CC2D2B: variants seen among roughly 807,000 people sequenced by gnomAD.
CC2D2B encodes the protein protein CC2D2B.
Under a neutral mutation model 161.2 loss-of-function variants are expected in CC2D2B, and 128 were observed. That is an observed-to-expected ratio of 0.79 (90% CI 0.69 to 0.92). CC2D2B has a LOEUF of 0.92. Among genes scored for constraint, CC2D2B ranks in the 40% least tolerant of loss-of-function variants. CC2D2B has a pLI of 0.00. For missense variants in CC2D2B, 1,173 were observed against 1,375.1 expected (o/e 0.85, Z 2.32); for synonymous variants, 391 against 449.8 (o/e 0.87, Z 1.65).
chr10:95,941,081 C>T (rs1321553541), intron 9 of CC2D2B, among the ~76,000 whole-genome samples: 1 of 152,080 alleles, frequency 6.6e-6, no homozygotes, highest in African/African-American at 2.4e-5. Context: ...GCCAAGACTA[C>T]ACAATGGGGA....
chr10:95,970,144 C>G (rs1171356771), intron 15 of CC2D2B, among the ~76,000 whole-genome samples: 2 of 151,828 alleles, frequency 1.3e-5, no homozygotes, highest in African/African-American at 4.8e-5. Flanking sequence ...AACCAATTCT[C>G]CTTCCTCAGC....
Position 95,996,136 on chromosome 10 carries a change from G to C in CC2D2B, c.2740-7G>C. 3.0e-6 allele frequency: 4 copies of C among 1,348,020 alleles called. No homozygotes were observed. The highest frequency in any genetic ancestry group is 3.0e-6 in the Non-Finnish European group (3 of 994,152). 83.5% of individuals were successfully genotyped at this position (1,348,020 alleles called of 1,614,324 possible). A position where few individuals can be genotyped will look rare whatever the true frequency, so the allele number is the denominator to read the frequency against. On this transcript the variant is annotated splice_region_variant and splice_polypyrimidine_tract_variant and intron_variant, in intron 23 of 34. Transcript: ENST00000646931. Reference sequence around the variant, plus strand: ...AAAATCTAGTCAATGTTTATTATGTGTTTCAGGATACTGTACATCCATTCG... The same window carrying C: ...AAAATCTAGTCAATGTTTATTATGTCTTTCAGGATACTGTACATCCATTCG...
intron 19 of CC2D2B, among the ~76,000 whole-genome samples, chr10:95,986,881 G>A (rs1352569665): frequency 6.6e-6 from 1 of 152,108 alleles, no homozygotes; most frequent in East Asian, 1.9e-4. Flanking sequence ...ACAGGCATGA[G>A]CCACAGTGCC....
intron 2 of CC2D2B, among the ~76,000 whole-genome samples, chr10:95,912,815 G>A (rs2098508818): frequency 6.6e-6 from 1 of 151,882 alleles, no homozygotes; most frequent in Non-Finnish European, 1.5e-5. Flanking sequence ...ATTTCTTTTT[G>A]GAAATTTTTA....
At chr10:96,016,917 T>C (rs1387042143) in intron 30 of CC2D2B, among the ~76,000 whole-genome samples, 1 of 152,014 alleles carries the variant, frequency 6.6e-6, no homozygotes, top group Non-Finnish European at 1.5e-5. Context: ...TGGGGTTTCA[T>C]CATGTTGGCC....
At chr10:95,991,516 A>T (rs574370032) in intron 21 of CC2D2B, 55 bp downstream of exon 21, 1 of 493,452 alleles carries the variant, frequency 2.0e-6, no homozygotes, top group Admixed American at 4.6e-5. Context: ...TAATATCTTT[A>T]AAATCCTCTA....
chr10:96,029,298 A>C (rs1476620895), intron 34 of CC2D2B, among the ~76,000 whole-genome samples: 4 of 128,092 alleles, frequency 3.1e-5, no homozygotes, highest in Admixed American at 8.1e-5. Flanking sequence ...ATATATATAT[A>C]TATATATGTA....
At chr10:96,012,419 T>C in intron 27 of CC2D2B, 52 bp downstream of exon 27, 1 of 758,806 alleles carries the variant, frequency 1.3e-6, no homozygotes, top group Non-Finnish European at 2.2e-6. Flanking sequence ...AGGTATGAAC[T>C]ATTTTAAAAA....
At position 95,963,591 on chromosome 10, in the gene CC2D2B, C is replaced by A. The variant is rs139443841; in HGVS notation, c.1250+1622C>A. Among the ~76,000 whole-genome samples, 58 of 152,176 alleles carry A rather than the reference C, an allele frequency of 3.8e-4. No homozygotes were observed. The East Asian group carries it at 0.011, about 28-fold the overall frequency. ...AGGCAGAGAATAAGATGAGGAGAGACCCCAAGCACTGAGTCTTGAGAAATT... is the reference window on the plus strand; with the variant it reads ...AGGCAGAGAATAAGATGAGGAGAGAACCCAAGCACTGAGTCTTGAGAAATT... On this transcript the variant is annotated intron_variant, in intron 12 of 34. Coordinates refer to ENST00000646931, the MANE Select transcript of CC2D2B (RefSeq NM_001349008.3).
chr10:95,949,611 A>G (rs1485490599), intron 9 of CC2D2B, among the ~76,000 whole-genome samples: 1 of 142,202 alleles, frequency 7.0e-6, no homozygotes, highest in East Asian at 2.1e-4. Flanking sequence ...TACATATGTA[A>G]CTAACCTGCA....
chr10:95,935,550 CA>C (rs1239589744), intron 6 of CC2D2B, among the ~76,000 whole-genome samples: 4 of 150,952 alleles, frequency 2.6e-5, no homozygotes, highest in Admixed American at 1.3e-4. Flanking sequence ...AAAGTCCTTA[CA>C]GGGGGGACCT....
intron 9 of CC2D2B, among the ~76,000 whole-genome samples, chr10:95,943,142 C>T (rs929739199): frequency 7.2e-5 from 11 of 152,178 alleles, no homozygotes; most frequent in South Asian, 4.1e-4. Context: ...GCAGCTCCTT[C>T]GGTCCTTAAC....
At chr10:95,926,463 A>C (rs905186882) in intron 5 of CC2D2B, among the ~76,000 whole-genome samples, 3 of 151,928 alleles carry the variant, frequency 2.0e-5, no homozygotes, top group Non-Finnish European at 4.4e-5. Flanking sequence ...AGATACAAAC[A>C]ATATAAAGAT....
chr10:95,975,914 A>G (rs1230044199), intron 17 of CC2D2B, among the ~76,000 whole-genome samples: 1 of 152,226 alleles, frequency 6.6e-6, no homozygotes, highest in East Asian at 1.9e-4. Flanking sequence ...TTTCTCTAGC[A>G]TAGTCTCCAC....
chr10:95,985,968 G>A (rs1379344088), intron 19 of CC2D2B, among the ~76,000 whole-genome samples: 1 of 152,172 alleles, frequency 6.6e-6, no homozygotes, highest in East Asian at 1.9e-4. Context: ...GGTCAGACCG[G>A]TTGTCTGCTC....
intron 2 of CC2D2B, chr10:95,919,784 G>A (rs900038173): frequency 1.3e-5 from 2 of 152,004 alleles, no homozygotes; most frequent in Admixed American, 6.6e-5. Flanking sequence ...GTTTAGAAAT[G>A]CCATTGAAGT....
Position 96,013,769 on chromosome 10 carries a change from A to T in CC2D2B, c.3427-19A>T, listed in dbSNP as rs1335140077. 1 of 1,490,970 alleles carries T rather than the reference A, an allele frequency of 6.7e-7. No homozygotes were observed. The highest frequency in any genetic ancestry group is 9.3e-7 in the Non-Finnish European group (1 of 1,074,240). 92.4% of individuals were successfully genotyped at this position (1,490,970 alleles called of 1,614,324 possible). On this transcript the variant is annotated intron_variant, in intron 28 of 34. Transcript: ENST00000646931. ...ATGGACATACAGCACACACTCAATAAATGTGAATATTATTCTAGGACCTCA... is the reference window on the plus strand; with the variant it reads ...ATGGACATACAGCACACACTCAATATATGTGAATATTATTCTAGGACCTCA...
rs762449870 is a variant in CC2D2B, at chr10:95,985,427, G to A, written c.2286+1618G>A. 5.3e-5 allele frequency among the ~76,000 whole-genome samples: 8 copies of A among 152,064 alleles called. No homozygotes were observed. In the East Asian group the frequency reaches 5.8e-4, roughly 11 times the overall value. ...AACTAATACTTTTATAATTTCTTAC[G>A]CCTGTCTTTACTGCAATCTCTTAAC... On this transcript the variant is annotated intron_variant, in intron 19 of 34. Coordinates refer to ENST00000646931, the MANE Select transcript of CC2D2B (RefSeq NM_001349008.3).
At chr10:95,959,273 C>T (rs1017479846) in intron 11 of CC2D2B, among the ~76,000 whole-genome samples, 5 of 152,008 alleles carry the variant, frequency 3.3e-5, no homozygotes, top group African/African-American at 4.8e-5. Flanking sequence ...AAGTATGGTC[C>T]CCAGACCAGC....
Sources: gnomAD v4.1 joint callset for allele counts (sites outside exome capture counted in the v4.1 genomes callset) on GRCh38, gnomAD v4.1.1 for gene constraint, MANE v1.5 for transcripts, NCBI Gene and HGNC (gene_info 2026-07-23, HGNC 2026-07-21) for gene names.